FOXN2: variants seen among roughly 807,000 people sequenced by gnomAD.
The protein encoded by FOXN2 is forkhead box N2.
In FOXN2, 19 loss-of-function variants were observed where a neutral mutation model predicts 41.2. The observed-to-expected ratio is 0.46, with a 90% CI of 0.32 to 0.68. The LOEUF is 0.68. Ranked by LOEUF, FOXN2 falls within the 30% of genes least tolerant of loss-of-function variation. The pLI is 0.03. For missense variants in FOXN2, 587 were observed against 509.4 expected (o/e 1.15, Z -1.47); for synonymous variants, 195 against 176.8 (o/e 1.10, Z -0.82).
chr2:48,337,899 C>G (rs562858201), intron 2 of FOXN2, among the ~76,000 whole-genome samples: 1 of 152,144 alleles, frequency 6.6e-6, no homozygotes, highest in East Asian at 1.9e-4. Flanking sequence ...TGTAATATAT[C>G]TGCCTTAGTA....
chr2:48,320,148 C>G (rs1036403789), intron 1 of FOXN2, among the ~76,000 whole-genome samples: 1 of 151,964 alleles, frequency 6.6e-6, no homozygotes, highest in African/African-American at 2.4e-5. Flanking sequence ...TTTGTCCAAC[C>G]CTTCCAACCT....
At chr2:48,345,584 A>G (rs1000149699) in intron 2 of FOXN2, among the ~76,000 whole-genome samples, 4 of 152,210 alleles carry the variant, frequency 2.6e-5, no homozygotes, top group Non-Finnish European at 5.9e-5. Flanking sequence ...ATGTATCATA[A>G]TATCACATTG....
chr2:48,346,282 G>T lies in FOXN2; in HGVS notation c.68G>T (p.Gly23Val), dbSNP rs1434635719. ...ACCCCAGGAGCTGAAAAGATTGCAG[G>T]ATTAAGCCAGATTTACAAAATGGGA... ...AETPGAEKIA[G>V]LSQIYKMGSL... The change falls in exon 3 of 7, where the codon GGA becomes GTA. Residue 23 changes from glycine (G) to valine (V), a missense_variant. By Grantham distance (109) the Gly-to-Val change is moderately radical. Transcript: ENST00000340553. 6.2e-7 allele frequency: 1 copy of T among 1,614,178 alleles called. No individual in the cohort carries two copies. The highest frequency in any genetic ancestry group is 1.7e-5 in the Admixed American group (1 of 60,016).
intron 5 of FOXN2, among the ~76,000 whole-genome samples, chr2:48,363,911 T>G (rs562172348): frequency 6.6e-6 from 1 of 152,288 alleles, no homozygotes; most frequent in South Asian, 2.1e-4. Flanking sequence ...TTAAACAAAG[T>G]ATGACTGCAT....
At chr2:48,329,090 T>G (rs1669867235) in intron 2 of FOXN2, among the ~76,000 whole-genome samples, 1 of 152,228 alleles carries the variant, frequency 6.6e-6, no homozygotes, top group Admixed American at 6.5e-5. Flanking sequence ...AGACTCATCT[T>G]GATGTATTTG....
chr2:48,357,901 T>G (rs887606005), intron 3 of FOXN2, among the ~76,000 whole-genome samples: 1 of 151,918 alleles, frequency 6.6e-6, no homozygotes, highest in Non-Finnish European at 1.5e-5. Flanking sequence ...AAATACTTTT[T>G]TAGTATAGTT....
intron 3 of FOXN2, among the ~76,000 whole-genome samples, chr2:48,347,820 G>A (rs1283031943): frequency 1.3e-5 from 2 of 151,926 alleles, no homozygotes; most frequent in East Asian, 3.9e-4. Flanking sequence ...AAACTTTTTT[G>A]TGGGGTGCAG....
intron 2 of FOXN2, among the ~76,000 whole-genome samples, chr2:48,344,114 GTC>G (rs776841412): frequency 6.6e-5 from 10 of 151,956 alleles, no homozygotes; most frequent in East Asian, 1.9e-4. Context: ...ATGTTTTTAA[GTC>G]TCTATGAATA....
At chr2:48,364,759 A>G (rs1672422273) in intron 5 of FOXN2, among the ~76,000 whole-genome samples, 1 of 152,256 alleles carries the variant, frequency 6.6e-6, no homozygotes, top group East Asian at 1.9e-4. Context: ...TGGTTGGAGA[A>G]AACAAAATCA....
At chr2:48,356,115 C>T (rs923749328) in intron 3 of FOXN2, among the ~76,000 whole-genome samples, 1 of 151,930 alleles carries the variant, frequency 6.6e-6, no homozygotes, top group African/African-American at 2.4e-5. Context: ...CAGAGCAAGA[C>T]TCTGTCTCCA....
chr2:48,361,576 A>G (rs1456754445), intron 4 of FOXN2, among the ~76,000 whole-genome samples: 1 of 152,170 alleles, frequency 6.6e-6, no homozygotes, highest in Non-Finnish European at 1.5e-5. Flanking sequence ...GTTTGGCAAA[A>G]TAACAGTTCC....
At chr2:48,365,844 T>C (rs977030336) in intron 5 of FOXN2, among the ~76,000 whole-genome samples, 7 of 152,144 alleles carry the variant, frequency 4.6e-5, no homozygotes, top group Admixed American at 2.0e-4. Context: ...TCACAAAAAT[T>C]TAGGGAATTT....
chr2:48,336,842 T>A (rs547139938), intron 2 of FOXN2, among the ~76,000 whole-genome samples: 1 of 151,960 alleles, frequency 6.6e-6, no homozygotes, highest in South Asian at 2.1e-4. Flanking sequence ...ACATAGTAGG[T>A]GTATATATTT....
At chr2:48,360,684 CTTTATTAA>C (rs1672114278) in intron 4 of FOXN2, among the ~76,000 whole-genome samples, 1 of 151,564 alleles carries the variant, frequency 6.6e-6, no homozygotes, top group Non-Finnish European at 1.5e-5. Flanking sequence ...AAATTGATAT[CTTTATTAA>C]TTAATTTTGG....
chr2:48,372,228 C>T (rs1237302458), intron 5 of FOXN2, among the ~76,000 whole-genome samples: 1 of 152,110 alleles, frequency 6.6e-6, no homozygotes, highest in Non-Finnish European at 1.5e-5. Flanking sequence ...TCATAGTGGC[C>T]AGCATCTGAT....
Position 48,346,314 on chromosome 2 carries a change from C to T in FOXN2, c.100C>T (p.Pro34Ser), listed in dbSNP as rs1230631194. Residue 34 changes from proline to serine, a missense_variant, in exon 3 of 7, where the codon CCT (proline) becomes TCT (serine). Pro to Ser is a moderately conservative substitution (Grantham distance 74). Transcript: ENST00000340553. ...CCAGATTTACAAAATGGGAAGCTTGCCTGAAGCTGTTGATGCTGCCAGGCC... is the reference window on the plus strand; with the variant it reads ...CCAGATTTACAAAATGGGAAGCTTGTCTGAAGCTGTTGATGCTGCCAGGCC... ...LSQIYKMGSLPEAVDAARPKA... is the reference protein window; with the variant it reads ...LSQIYKMGSLSEAVDAARPKA... The T allele has an allele frequency of 1.4e-5, 23 of 1,614,080 alleles. No homozygotes were observed. The highest frequency in any genetic ancestry group is 1.9e-5 in the Non-Finnish European group (22 of 1,180,044).
chr2:48,314,299 G>T (rs906140147), upstream of FOXN2, among the ~76,000 whole-genome samples: 1 of 152,228 alleles, frequency 6.6e-6, no homozygotes, highest in South Asian at 2.1e-4. Context: ...CGCCTCCGCC[G>T]CACTCCTATA....
At chr2:48,340,101 T>C (rs1195573447) in intron 2 of FOXN2, among the ~76,000 whole-genome samples, 1 of 152,224 alleles carries the variant, frequency 6.6e-6, no homozygotes, top group African/African-American at 2.4e-5. Context: ...AAAAACCTTT[T>C]GTTAACTCGG....
intron 1 of FOXN2, among the ~76,000 whole-genome samples, chr2:48,327,867 A>G (rs1053387662): frequency 1.3e-5 from 2 of 152,164 alleles, no homozygotes; most frequent in African/African-American, 2.4e-5. Flanking sequence ...TGTTAATTGT[A>G]TTTTTGTTTT....
Sources: allele counts gnomAD v4.1 joint callset (sites outside exome capture counted in the v4.1 genomes callset), GRCh38; gene constraint gnomAD v4.1.1; transcripts MANE v1.5; gene names NCBI Gene and HGNC (gene_info 2026-07-23, HGNC 2026-07-21).